MX2: variants seen among roughly 807,000 people sequenced by gnomAD.
MX2 encodes the protein MX dynamin like GTPase 2.
MX2 carries 51 observed loss-of-function variants against 74.0 expected under a neutral mutation model. The ratio of observed to expected loss-of-function variants is 0.69; its 90% confidence interval spans 0.55 to 0.87. MX2 has a LOEUF of 0.87. MX2 is among the 40% of genes least tolerant of loss of function. The pLI is 0.00. For synonymous variants in MX2, 369 were observed against 339.3 expected, an observed-to-expected ratio of 1.09 and a Z score of -0.96; for missense variants, 832 against 908.7, an observed-to-expected ratio of 0.92 and a Z score of 1.09.
chr21:41,393,110 C>CAAAAAAAAAAAAAAAAAAAAGAAAAAAAG (rs2089683340), intron 6 of MX2, among the ~76,000 whole-genome samples: 4 of 60,086 alleles, frequency 6.7e-5, no homozygotes, highest in East Asian at 5.1e-4. Flanking sequence ...CTCAAAAAAG[C>CAAAAAAAAAAAAAAAAAAAAGAAAAAAAG]AAAAAAAAAA....
Position 41,390,402 on chromosome 21 carries a change from G to A in MX2, c.733-163G>A, listed in dbSNP as rs746925594. ...GGTCATCAGAGACCAGGGCAGGGCC[G>A]CCGGGGCAGGCATTCCCAGGACGGG... is the stretch of plus-strand genomic sequence containing the variant. On this transcript the variant is annotated intron_variant, in intron 5 of 13. Transcript: ENST00000330714. The A allele has an allele frequency of 7.8e-5, 75 of 962,510 alleles. 1 individual carries two copies. The highest frequency in any genetic ancestry group is 6.6e-4 in the South Asian group (45 of 68,084). The allele number at this position is 962,510 out of a possible 1,614,324, so 59.6% of individuals were successfully genotyped here.
At chr21:41,384,966 A>G (rs924938928) in intron 5 of MX2, among the ~76,000 whole-genome samples, 1 of 152,242 alleles carries the variant, frequency 6.6e-6, no homozygotes, top group African/African-American at 2.4e-5. Flanking sequence ...TCAAGATAGA[A>G]CAGGAAGAAT....
intron 4 of MX2, among the ~76,000 whole-genome samples, chr21:41,382,204 G>A (rs2089505680): frequency 6.6e-6 from 1 of 152,212 alleles, no homozygotes; most frequent in Non-Finnish European, 1.5e-5. Flanking sequence ...CTTTTGGAAA[G>A]TGTAGGTCTG....
rs1165231673 is a variant in MX2, at chr21:41,378,038, A to G, written c.442+57A>G. On this transcript the variant is annotated intron_variant, in intron 3 of 13. Transcript: ENST00000330714. ...CAAGCAGCGCCACCTGTAAGCCACA[A>G]AGCTTCCCCAGGCACCAAGAGGTTT... 32 of 1,557,078 alleles carry G rather than the reference A, an allele frequency of 2.1e-5. No homozygotes were observed. In the East Asian group the frequency reaches 2.3e-4, roughly 11 times the overall value.
intron 6 of MX2, among the ~76,000 whole-genome samples, chr21:41,393,052 C>T (rs954366683): frequency 7.3e-6 from 1 of 137,108 alleles, no homozygotes; most frequent in African/African-American, 2.7e-5. Flanking sequence ...TGCAGTGAGC[C>T]GAGATTGCAC....
chr21:41,403,199 C>T, intron 11 of MX2, 68 bp from the exon 12 acceptor site: 2 of 1,295,224 alleles, frequency 1.5e-6, no homozygotes, highest in Non-Finnish European at 2.2e-6. Context: ...TGTCTTTAAC[C>T]AGTTTTATTT....
At chr21:41,385,229 G>T (rs2089555447) in intron 5 of MX2, among the ~76,000 whole-genome samples, 1 of 152,148 alleles carries the variant, frequency 6.6e-6, no homozygotes, top group Non-Finnish European at 1.5e-5. Flanking sequence ...ATCATTTCTA[G>T]CTTTTAATTT....
intron 1 of MX2, among the ~76,000 whole-genome samples, chr21:41,370,818 A>T (rs1302189530): frequency 6.6e-6 from 1 of 152,194 alleles, no homozygotes; most frequent in Non-Finnish European, 1.5e-5. Flanking sequence ...TGGGCATAAG[A>T]ATACTTATTC....
At chr21:41,397,373 T>A (rs2089749305) in intron 7 of MX2, among the ~76,000 whole-genome samples, 1 of 152,216 alleles carries the variant, frequency 6.6e-6, no homozygotes. Flanking sequence ...TTCCTGTAGC[T>A]AAGATGACCT....
At chr21:41,394,338 T>C (rs2089703686) in intron 6 of MX2, among the ~76,000 whole-genome samples, 2 of 152,116 alleles carry the variant, frequency 1.3e-5, no homozygotes, top group Non-Finnish European at 2.9e-5. Context: ...CTGCTCCCTC[T>C]CAACCAGGGT....
chr21:41,379,184 C>T (rs73905344), intron 3 of MX2, among the ~76,000 whole-genome samples: 1,759 of 152,314 alleles, frequency 0.012, 44 homozygotes, highest in African/African-American at 0.04. Flanking sequence ...AGTCCTTCTC[C>T]GTGCTCTGGG....
At chr21:41,385,142 T>G (rs1042684997) in intron 5 of MX2, among the ~76,000 whole-genome samples, 4 of 152,244 alleles carry the variant, frequency 2.6e-5, no homozygotes, top group Non-Finnish European at 5.9e-5. Flanking sequence ...ATTTTTCCTT[T>G]GTATTCAACA....
At chr21:41,390,524 T>C (rs778610801) in intron 5 of MX2, 41 bp from the exon 6 acceptor site, 4 of 1,612,456 alleles carry the variant, frequency 2.5e-6, no homozygotes, top group Non-Finnish European at 3.4e-6. Flanking sequence ...TGACCAGAAG[T>C]GAGACGTGTG....
chr21:41,399,366 A>G, intron 10 of MX2, 29 bp downstream of exon 10: 5 of 1,608,180 alleles, frequency 3.1e-6, no homozygotes, highest in South Asian at 1.1e-5. Flanking sequence ...TCCCTGCAAA[A>G]CAGGGTGGTA....
intron 9 of MX2, 52 bp from the exon 10 acceptor site, chr21:41,399,144 C>T: frequency 6.2e-7 from 1 of 1,604,050 alleles, no homozygotes. Flanking sequence ...ACGCCGGTCC[C>T]AGTTCTTTCA....
rs113408329 is a variant in MX2 at position 41,391,103 on chromosome 21, T to C, written c.871+400T>C. Among the ~76,000 whole-genome samples the C allele has an allele frequency of 7.0e-4, 106 of 152,286 alleles. 1 individual carries two copies. Among genetic ancestry groups the C allele is most frequent in the African/African-American group, 2.5e-3 (103 of 41,574 alleles). On this transcript the variant is annotated intron_variant, in intron 6 of 13. Coordinates refer to ENST00000330714, the MANE Select transcript of MX2 (RefSeq NM_002463.2). ...TTGGAAGATCCTGGAACGTATCATATGCCAGTGTGTCCTGCGCTGAATACA... is the reference window on the plus strand; with the variant it reads ...TTGGAAGATCCTGGAACGTATCATACGCCAGTGTGTCCTGCGCTGAATACA...
chr21:41,382,575 C>T lies in MX2; in HGVS notation c.732+11C>T. ...GACATCGGACTGCAGGTGAGCCCTT[C>T]TGGAATTTGGGATTGGGCTCTGCTG... On this transcript the variant is annotated intron_variant, in intron 5 of 13. Transcript: ENST00000330714. 1 of 1,614,014 alleles carries T rather than the reference C, an allele frequency of 6.2e-7. No individual in the cohort carries two copies. The highest frequency in any genetic ancestry group is 1.3e-5 in the African/African-American group (1 of 75,042).
At position 41,366,960 on chromosome 21, in the gene MX2, G is replaced by A. The variant is rs2089271006; in HGVS notation, c.-72+4905G>A. ...TCTCTTGCGTACTCTGCTCTGAGGT[G>A]TTTTAAAAAGCGCCACCATAAACCT... is the stretch of plus-strand genomic sequence containing the variant. On this transcript the variant is annotated intron_variant, in intron 1 of 13. Coordinates refer to ENST00000330714, the MANE Select transcript of MX2 (RefSeq NM_002463.2). The surrounding 1 kb of genome is among the most constrained non-coding windows in gnomAD (Gnocchi z 4.5). The A allele has an allele frequency of 6.6e-6, 1 of 152,248 alleles. No individual in the cohort carries two copies. Among genetic ancestry groups the A allele is most frequent in the Non-Finnish European group, 1.5e-5 (1 of 68,078 alleles). The allele number at this position is 152,248 out of a possible 1,614,324, so 9.4% of individuals were successfully genotyped here.
chr21:41,382,503 T>C lies in MX2; in HGVS notation c.671T>C (p.Ile224Thr). Reference protein sequence around the residue: ...TSPEVPDLTIIDLPGITRVAV... With the variant: ...TSPEVPDLTITDLPGITRVAV... ...CCTGAGGTTCCAGACCTGACCATCA[T>C]TGACCTTCCCGGCATCACCAGGGTG... Residue 224 changes from isoleucine to threonine, a missense_variant, in exon 5 of 14, where the codon ATT becomes ACT. Ile to Thr is a moderately conservative substitution (Grantham distance 89). Coordinates refer to ENST00000330714, the MANE Select transcript of MX2 (RefSeq NM_002463.2). 1 of 1,614,208 alleles carries C rather than the reference T, an allele frequency of 6.2e-7. No homozygotes were observed. Among genetic ancestry groups the C allele is most frequent in the Non-Finnish European group, 8.5e-7 (1 of 1,180,044 alleles).
Sources: gnomAD v4.1 joint callset for allele counts (sites outside exome capture counted in the v4.1 genomes callset) on GRCh38, gnomAD v4.1.1 for gene constraint, Gnocchi (gnomAD v3.1) non-coding constraint, MANE v1.5 for transcripts, NCBI Gene and HGNC (gene_info 2026-07-23, HGNC 2026-07-21) for gene names.